CPNE4: variants seen among roughly 807,000 people sequenced by gnomAD.
CPNE4 encodes the protein copine 4, also known as copine-4.
Under a neutral mutation model 67.9 loss-of-function variants are expected in CPNE4, and 25 were observed. The observed-to-expected ratio is 0.37, with a 90% CI of 0.27 to 0.51. The LOEUF (loss-of-function observed/expected upper bound fraction) is 0.51, where lower values mean the gene tolerates loss of function less well. Among genes scored for constraint, CPNE4 ranks in the 20% least tolerant of loss-of-function variants. CPNE4 has a pLI of 0.93. For missense variants in CPNE4, 464 were observed against 690.8 expected (o/e 0.67, Z 3.68); for synonymous variants, 242 against 244.9 (o/e 0.99, Z 0.11).
At chr3:131,734,964 A>G (rs558834278) in intron 2 of CPNE4, among the ~76,000 whole-genome samples, 3 of 152,238 alleles carry the variant, frequency 2.0e-5, no homozygotes, top group East Asian at 1.9e-4. Context: ...GAATCTAGCT[A>G]TATCACCTGA....
chr3:131,552,177 A>G (rs537333743), intron 13 of CPNE4, among the ~76,000 whole-genome samples: 100 of 151,882 alleles, frequency 6.6e-4, no homozygotes, highest in Non-Finnish European at 1.1e-3. Context: ...ATTATGGCCC[A>G]AGGAATCCCA....
chr3:131,801,357 T>C (rs1342580627), intron 2 of CPNE4, among the ~76,000 whole-genome samples: 3 of 130,388 alleles, frequency 2.3e-5, no homozygotes, highest in Non-Finnish European at 3.3e-5. Context: ...ATATGTACCA[T>C]ATATATATAT....
intron 1 of CPNE4, among the ~76,000 whole-genome samples, chr3:131,952,408 A>C (rs2071770284): frequency 1.4e-5 from 2 of 144,358 alleles, no homozygotes; most frequent in African/African-American, 2.6e-5. Context: ...TCCGCCCGGC[A>C]GCCACCCCAT....
At chr3:131,702,765 C>T (rs1276265446) in intron 3 of CPNE4, among the ~76,000 whole-genome samples, 1 of 152,216 alleles carries the variant, frequency 6.6e-6, no homozygotes, top group Non-Finnish European at 1.5e-5. Flanking sequence ...ATAGTTCTCT[C>T]TCCTCACTCT....
chr3:131,538,142 A>AAAT (rs1279271223), intron 15 of CPNE4, among the ~76,000 whole-genome samples: 4 of 152,242 alleles, frequency 2.6e-5, no homozygotes, highest in African/African-American at 9.6e-5. Context: ...TTGCAGCAAA[A>AAAT]AATATTCCTA....
intron 2 of CPNE4, among the ~76,000 whole-genome samples, chr3:131,843,210 T>C (rs529598222): frequency 6.6e-6 from 1 of 152,338 alleles, no homozygotes; most frequent in South Asian, 2.1e-4. Context: ...GATATGATTC[T>C]GAGAGACTTC....
At chr3:131,650,617 C>T (rs937500613) in intron 7 of CPNE4, among the ~76,000 whole-genome samples, 2 of 149,596 alleles carry the variant, frequency 1.3e-5, no homozygotes, top group African/African-American at 2.5e-5. Flanking sequence ...TGGTGGTGGG[C>T]GCCTGTAGTC....
chr3:131,997,707 A>T (rs1459217336), intron 1 of CPNE4, among the ~76,000 whole-genome samples: 2 of 152,122 alleles, frequency 1.3e-5, no homozygotes, highest in Non-Finnish European at 2.9e-5. Context: ...TAGGTATGGG[A>T]AAGACATTTT....
At chr3:132,010,478 C>T (rs544292636) in intron 1 of CPNE4, among the ~76,000 whole-genome samples, 11 of 152,134 alleles carry the variant, frequency 7.2e-5, no homozygotes, top group Non-Finnish European at 1.5e-4. Context: ...TTCCTTGACT[C>T]CTGCAATGTG....
chr3:131,534,026 C>T lies in CPNE4; in HGVS notation c.*1169G>A, dbSNP rs1268702264. ...ATAGAAAGGAGGCAAGAAATTCCCA[C>T]ACTAAGCTCAAAGGTCAATTTAGTG... On this transcript the variant is annotated 3_prime_UTR_variant, in exon 16 of 16. Coordinates refer to ENST00000429747, the MANE Select transcript of CPNE4 (RefSeq NM_130808.3). 6.6e-6 allele frequency: 1 copy of T among 152,184 alleles called. No homozygotes were observed. Among genetic ancestry groups the T allele is most frequent in the East Asian group, 1.9e-4 (1 of 5,200 alleles). The allele number at this position is 152,184 out of a possible 1,614,324, so 9.4% of individuals were successfully genotyped here.
chr3:131,895,033 A>G (rs2088271853), intron 2 of CPNE4, among the ~76,000 whole-genome samples: 1 of 152,086 alleles, frequency 6.6e-6, no homozygotes, highest in Admixed American at 6.6e-5. Context: ...CTAGCCATAG[A>G]AAGGAGTGAA....
At chr3:131,635,576 A>G (rs568534136) in intron 7 of CPNE4, among the ~76,000 whole-genome samples, 1 of 152,358 alleles carries the variant, frequency 6.6e-6, no homozygotes, top group East Asian at 1.9e-4. Flanking sequence ...CTCAATAGCA[A>G]CACATGTCTT....
intron 7 of CPNE4, among the ~76,000 whole-genome samples, chr3:131,614,645 A>G (rs986743749): frequency 6.6e-6 from 1 of 152,196 alleles, no homozygotes; most frequent in Non-Finnish European, 1.5e-5. Flanking sequence ...AGAAAATTCT[A>G]TGTAGGAAAC....
At chr3:131,977,503 A>C (rs1296191935) in intron 1 of CPNE4, among the ~76,000 whole-genome samples, 5 of 152,034 alleles carry the variant, frequency 3.3e-5, no homozygotes, top group Non-Finnish European at 1.5e-5. Context: ...ACATTTGACA[A>C]TCACCCAAAA....
At chr3:131,880,132 A>ATT (rs1297226216) in intron 2 of CPNE4, among the ~76,000 whole-genome samples, 2,938 of 147,492 alleles carry the variant, frequency 0.02, 92 homozygotes, top group African/African-American at 0.069. Context: ...ATATATACAT[A>ATT]TTTTTTTTTT....
rs538134333 is a variant in CPNE4, at chr3:131,582,600, AT to A, written c.781-936del. 9.4e-4 allele frequency among the ~76,000 whole-genome samples: 143 copies of A among 152,274 alleles called. 1 individual carries two copies. The highest frequency in any genetic ancestry group is 3.1e-3 in the African/African-American group (127 of 41,562). The stretch of plus-strand genomic sequence containing the variant: ...AATCTATTCCTCTCAGTGTCCATGC[AT>A]TTGTGTAGCTCCCTCCCACAATGAT... On this transcript the variant is annotated intron_variant, in intron 8 of 15. Transcript: ENST00000429747.
chr3:132,022,297 G>T (rs1273835765), intron 1 of CPNE4, among the ~76,000 whole-genome samples: 1 of 152,206 alleles, frequency 6.6e-6, no homozygotes, highest in Non-Finnish European at 1.5e-5. Context: ...AACCAACAGG[G>T]TTCATCATTC....
chr3:131,846,901 A>G (rs563859832), intron 2 of CPNE4, among the ~76,000 whole-genome samples: 1 of 152,324 alleles, frequency 6.6e-6, no homozygotes, highest in African/African-American at 2.4e-5. Context: ...ACACTCCCGG[A>G]AAATTAAGCA....
chr3:131,743,246 T>C (rs927608421), intron 2 of CPNE4, among the ~76,000 whole-genome samples: 4 of 152,182 alleles, frequency 2.6e-5, no homozygotes, highest in African/African-American at 7.2e-5. Context: ...GAAACTTAAA[T>C]AGACCAACTG....
Sources: gnomAD v4.1 joint callset for allele counts (sites outside exome capture counted in the v4.1 genomes callset) on GRCh38, gnomAD v4.1.1 for gene constraint, MANE v1.5 for transcripts, NCBI Gene and HGNC (gene_info 2026-07-23, HGNC 2026-07-21) for gene names.